GABRB2: variants seen among roughly 807,000 people sequenced by gnomAD.
GABRB2 encodes gamma-aminobutyric acid receptor subunit beta-2.
In GABRB2, 16 loss-of-function variants were observed where a neutral mutation model predicts 54.7. The observed-to-expected ratio is 0.29, with a 90% CI of 0.20 to 0.44. GABRB2 has a LOEUF of 0.44. GABRB2 is among the 20% of genes least tolerant of loss of function. The probability of loss-of-function intolerance (pLI) is 1.00; values close to 1 mark genes in which losing one functional copy is unlikely to be tolerated. For synonymous variants in GABRB2, 244 were observed against 233.8 expected, an observed-to-expected ratio of 1.04 and a Z score of -0.40; for missense variants, 355 against 644.0, an observed-to-expected ratio of 0.55 and a Z score of 4.86.
chr5:161,422,962 T>G (rs1756892855), intron 4 of GABRB2, among the ~76,000 whole-genome samples: 1 of 152,138 alleles, frequency 6.6e-6, no homozygotes, highest in South Asian at 2.1e-4. Context: ...ATCCATAAGA[T>G]CTCTATAATT....
intron 3 of GABRB2, among the ~76,000 whole-genome samples, chr5:161,503,664 G>A (rs946407730): frequency 6.1e-5 from 9 of 147,346 alleles, no homozygotes; most frequent in Non-Finnish European, 1.3e-4. Flanking sequence ...AGCTGAGATC[G>A]CGCCATTGCA....
At position 161,425,572 on chromosome 5, in the gene GABRB2, G is replaced by C. The variant is rs551572578; in HGVS notation, c.459-14515C>G. 5.3e-5 allele frequency among the ~76,000 whole-genome samples: 8 copies of C among 152,146 alleles called. No homozygotes were observed. The South Asian group carries it at 1.7e-3, about 32-fold the overall frequency. The stretch of plus-strand genomic sequence containing the variant: ...ATGTTACTGCACAGAATACACTACA[G>C]TATAGTGTAAGCATAACTTTTTGTG... On this transcript the variant is annotated intron_variant, in intron 4 of 9. Transcript: ENST00000393959.
intron 3 of GABRB2, among the ~76,000 whole-genome samples, chr5:161,470,667 C>T (rs755484951): frequency 1.3e-5 from 2 of 151,770 alleles, no homozygotes; most frequent in African/African-American, 2.4e-5. Context: ...TGGGACAGAG[C>T]GGGATGGCGA....
chr5:161,507,642 T>C (rs1482734013), intron 3 of GABRB2, among the ~76,000 whole-genome samples: 1 of 151,934 alleles, frequency 6.6e-6, no homozygotes, highest in Non-Finnish European at 1.5e-5. Flanking sequence ...ACACAACTGC[T>C]ACAACTCAAT....
chr5:161,534,982 C>T (rs1421106895), intron 3 of GABRB2, among the ~76,000 whole-genome samples: 4 of 152,246 alleles, frequency 2.6e-5, no homozygotes, highest in South Asian at 4.1e-4. Context: ...TATCCTAAAA[C>T]TACTGAGACA....
intron 9 of GABRB2, among the ~76,000 whole-genome samples, chr5:161,313,699 C>T (rs576582058): frequency 6.6e-6 from 1 of 152,294 alleles, no homozygotes; most frequent in Non-Finnish European, 1.5e-5. Context: ...CCAAGCACTT[C>T]CCCTGTGCTT....
intron 4 of GABRB2, among the ~76,000 whole-genome samples, chr5:161,458,145 C>T (rs768268507): frequency 6.6e-6 from 1 of 152,146 alleles, no homozygotes; most frequent in Non-Finnish European, 1.5e-5. Flanking sequence ...CACACATGGT[C>T]ACCCTCTCAT....
chr5:161,476,971 A>G (rs1300005862), intron 3 of GABRB2, among the ~76,000 whole-genome samples: 2 of 151,990 alleles, frequency 1.3e-5, no homozygotes, highest in East Asian at 3.9e-4. Context: ...CAAATGAAAC[A>G]ATCAGCAGAG....
chr5:161,382,460 A>G (rs564735123), intron 5 of GABRB2, among the ~76,000 whole-genome samples: 1 of 152,266 alleles, frequency 6.6e-6, no homozygotes, highest in South Asian at 2.1e-4. Flanking sequence ...TATCTGGATC[A>G]GCCTTTAATC....
intron 9 of GABRB2, among the ~76,000 whole-genome samples, chr5:161,318,838 T>TA (rs1221968530): frequency 6.6e-6 from 1 of 151,982 alleles, no homozygotes; most frequent in East Asian, 1.9e-4. Flanking sequence ...ATTTTACCTT[T>TA]AAAAAATACT....
At chr5:161,519,891 G>A (rs74479282) in intron 3 of GABRB2, among the ~76,000 whole-genome samples, 2,368 of 152,126 alleles carry the variant, frequency 0.016, 28 homozygotes, top group Non-Finnish European at 0.023. Context: ...AACAAGCCAA[G>A]CAAGGTCAAA....
chr5:161,403,281 T>C (rs1756256802), intron 5 of GABRB2, among the ~76,000 whole-genome samples: 1 of 152,064 alleles, frequency 6.6e-6, no homozygotes, highest in Non-Finnish European at 1.5e-5. Flanking sequence ...GAGAGTGAAA[T>C]AATCTGAAGT....
At chr5:161,397,356 C>T (rs1042273999) in intron 5 of GABRB2, among the ~76,000 whole-genome samples, 1 of 152,162 alleles carries the variant, frequency 6.6e-6, no homozygotes, top group African/African-American at 2.4e-5. Flanking sequence ...TGTCCACCAA[C>T]CTTTACCATT....
intron 3 of GABRB2, among the ~76,000 whole-genome samples, chr5:161,465,305 C>A (rs1468018780): frequency 5.9e-5 from 9 of 151,996 alleles, no homozygotes; most frequent in Non-Finnish European, 1.3e-4. Context: ...CATGAATACA[C>A]AGGGACATAG....
intron 4 of GABRB2, among the ~76,000 whole-genome samples, chr5:161,430,665 A>G (rs1038989226): frequency 2.6e-5 from 4 of 152,202 alleles, no homozygotes; most frequent in East Asian, 1.9e-4. Flanking sequence ...AACTTGGTTT[A>G]AAAACATTGA....
At chr5:161,389,620 A>T (rs1322901234) in intron 5 of GABRB2, among the ~76,000 whole-genome samples, 7 of 151,564 alleles carry the variant, frequency 4.6e-5, no homozygotes, top group African/African-American at 1.7e-4. Context: ...AGAAACAGAG[A>T]GAAAGAGAAA....
intron 3 of GABRB2, among the ~76,000 whole-genome samples, chr5:161,536,486 T>C (rs931087527): frequency 6.6e-6 from 1 of 152,210 alleles, no homozygotes; most frequent in African/African-American, 2.4e-5. Flanking sequence ...TCCTCTGATT[T>C]CAATATAAAG....
intron 3 of GABRB2, among the ~76,000 whole-genome samples, chr5:161,542,217 AAT>A (rs1760842121): frequency 6.6e-6 from 1 of 152,200 alleles, no homozygotes; most frequent in South Asian, 2.1e-4. Flanking sequence ...CACCACAGAA[AAT>A]ATAATAATAA....
At chr5:161,391,580 A>G (rs575661528) in intron 5 of GABRB2, among the ~76,000 whole-genome samples, 1 of 152,290 alleles carries the variant, frequency 6.6e-6, no homozygotes, top group South Asian at 2.1e-4. Flanking sequence ...AGAAAACATA[A>G]CATCATCGCC....
Sources: gnomAD v4.1 joint callset for allele counts (sites outside exome capture counted in the v4.1 genomes callset) on GRCh38, gnomAD v4.1.1 for gene constraint, MANE v1.5 for transcripts, NCBI Gene and HGNC (gene_info 2026-07-23, HGNC 2026-07-21) for gene names.